SHISAL2A: variants seen among roughly 807,000 people sequenced by gnomAD.
SHISAL2A encodes protein shisa-like-2A.
A neutral mutation model predicts 11.5 loss-of-function variants in SHISAL2A; 18 were observed. The observed-to-expected ratio is 1.57, with a 90% CI of 1.08 to 2.33. SHISAL2A has a LOEUF of 2.33. SHISAL2A is among the 30% of genes most tolerant of loss of function. The pLI, the probability that SHISAL2A is intolerant of heterozygous loss-of-function variation, is 0.00. For synonymous variants in SHISAL2A, 94 were observed against 99.6 expected, an observed-to-expected ratio of 0.94 and a Z score of 0.34; for missense variants, 261 against 250.9, an observed-to-expected ratio of 1.04 and a Z score of -0.27.
At chr1:52,665,446 A>T (rs563835544) in intron 4 of SHISAL2A, among the ~76,000 whole-genome samples, 1 of 152,214 alleles carries the variant, frequency 6.6e-6, no homozygotes, top group African/African-American at 2.4e-5. Flanking sequence ...GTTGTCCCCG[A>T]TGTCTTCTAC....
downstream of SHISAL2A, among the ~76,000 whole-genome samples, chr1:52,657,931 C>G (rs1279776136): frequency 1.3e-5 from 2 of 152,196 alleles, no homozygotes; most frequent in African/African-American, 2.4e-5. Flanking sequence ...CACTGTGTGG[C>G]CTTGATAAAG....
chr1:52,656,768 C>T, intron 2 of SHISAL2A, 22 bp from the exon 3 acceptor site: 2 of 1,583,398 alleles, frequency 1.3e-6, no homozygotes, highest in Non-Finnish European at 1.7e-6. Context: ...GAGCCACACA[C>T]CCTCAGTTTG....
chr1:52,662,736 C>T (rs1347381681), intron 4 of SHISAL2A, among the ~76,000 whole-genome samples: 17 of 152,122 alleles, frequency 1.1e-4, no homozygotes, highest in Non-Finnish European at 1.5e-4. Context: ...AGCCATAGTC[C>T]GCTAACCAAC....
rs556398346 is a variant in SHISAL2A, at chr1:52,646,914, C to G, written c.322+3912C>G. Among the ~76,000 whole-genome samples, 42 of 152,302 alleles carry G rather than the reference C, an allele frequency of 2.8e-4. No individual in the cohort carries two copies. The East Asian group carries it at 7.7e-3, about 28-fold the overall frequency. Reference sequence around the variant, plus strand: ...GTGCGATCTCAGCTCACTGCCACTTCCGTCTCCCAGGTTCAAGCAATTCTC... The same window carrying G: ...GTGCGATCTCAGCTCACTGCCACTTGCGTCTCCCAGGTTCAAGCAATTCTC... On this transcript the variant is annotated intron_variant, in intron 2 of 2. Coordinates refer to ENST00000517870, the MANE Select transcript of SHISAL2A (RefSeq NM_001042693.3).
chr1:52,643,882 G>T (rs10888750), intron 2 of SHISAL2A, among the ~76,000 whole-genome samples: 2 of 142,164 alleles, frequency 1.4e-5, no homozygotes, highest in East Asian at 4.5e-4. Context: ...GAGAGAAAGA[G>T]AGAGAGAGAG....
In SHISAL2A at chr1:52,633,184, G is replaced by GCGGCTCCCGGCC. The variant is rs1691163656; in HGVS notation, c.-308_-297dup. 6.6e-6 allele frequency among the ~76,000 whole-genome samples: 1 copy of GCGGCTCCCGGCC among 152,082 alleles called. No individual in the cohort carries two copies. Among genetic ancestry groups the GCGGCTCCCGGCC allele is most frequent in the Non-Finnish European group, 1.5e-5 (1 of 67,984 alleles). Reference sequence around the variant, plus strand: ...AGCGCAGGCAGAGCCAGGCGAGCACGCGGCTCCCGGCCCAGCTCCCCGCGT... The same window carrying GCGGCTCCCGGCC: ...AGCGCAGGCAGAGCCAGGCGAGCACGCGGCTCCCGGCCCGGCTCCCGGCCCAGCTCCCCGCGT... On this transcript the variant is annotated 5_prime_UTR_variant, in exon 1 of 3. Coordinates refer to ENST00000517870, the MANE Select transcript of SHISAL2A (RefSeq NM_001042693.3). This position sits in a 1 kb window ranked among gnomAD's most constrained non-coding sequence, Gnocchi z 6.4.
intron 2 of SHISAL2A, among the ~76,000 whole-genome samples, chr1:52,644,630 A>C (rs894548904): frequency 2.3e-4 from 35 of 152,186 alleles, no homozygotes; most frequent in African/African-American, 8.4e-4. Context: ...AGGCTGAGGC[A>C]GGAGAATCGC....
chr1:52,657,317 G>T (rs1281671440), downstream of SHISAL2A, among the ~76,000 whole-genome samples: 2 of 152,198 alleles, frequency 1.3e-5, no homozygotes, highest in Non-Finnish European at 1.5e-5. Flanking sequence ...ACCCAACTGG[G>T]AAGTCAGAGA....
In SHISAL2A at chr1:52,633,536, G is replaced by A. The variant is rs1489072108; in HGVS notation, c.43G>A (p.Val15Met). The A allele has an allele frequency of 6.2e-7, 1 of 1,604,678 alleles. No individual in the cohort carries two copies. The highest frequency in any genetic ancestry group is 1.7e-5 in the Admixed American group (1 of 59,104). ...CTSYVSAEQE[V>M]VRGFSCPRPG... Reference sequence around the variant, plus strand: ...GAGCTACGTGAGCGCAGAGCAGGAGGTGGTGCGCGGCTTCAGCTGCCCGCG... The same window carrying A: ...GAGCTACGTGAGCGCAGAGCAGGAGATGGTGCGCGGCTTCAGCTGCCCGCG... The change falls in exon 1 of 3, where the codon GTG becomes ATG. Residue 15 changes from valine to methionine, a missense_variant. Physicochemically the swap from Val to Met is conservative, Grantham distance 21. Coordinates refer to ENST00000517870, the MANE Select transcript of SHISAL2A (RefSeq NM_001042693.3). This position sits in a 1 kb window ranked among gnomAD's most constrained non-coding sequence, Gnocchi z 6.4.
chr1:52,632,858 T>C (rs1479935676), upstream of SHISAL2A, among the ~76,000 whole-genome samples: 1 of 152,226 alleles, frequency 6.6e-6, no homozygotes, highest in Non-Finnish European at 1.5e-5. Flanking sequence ...GGCTTCTCTC[T>C]GGCCCTCAGC....
At chr1:52,654,439 T>C (rs1406848694) in intron 2 of SHISAL2A, among the ~76,000 whole-genome samples, 2 of 152,254 alleles carry the variant, frequency 1.3e-5, no homozygotes, top group East Asian at 3.9e-4. Context: ...TAGTGTGGTA[T>C]TGGAGGAGGG....
chr1:52,655,945 G>T (rs577725756), intron 2 of SHISAL2A, among the ~76,000 whole-genome samples: 1 of 152,288 alleles, frequency 6.6e-6, no homozygotes, highest in South Asian at 2.1e-4. Flanking sequence ...AGGATGGAGA[G>T]AAATGGGTGG....
chr1:52,653,468 G>C (rs1691718436), intron 2 of SHISAL2A, among the ~76,000 whole-genome samples: 1 of 151,480 alleles, frequency 6.6e-6, no homozygotes, highest in African/African-American at 2.4e-5. Flanking sequence ...TCAAAAAAAA[G>C]AAAACTACAA....
chr1:52,638,044 T>C (rs569217566), intron 1 of SHISAL2A, among the ~76,000 whole-genome samples: 1 of 152,306 alleles, frequency 6.6e-6, no homozygotes, highest in South Asian at 2.1e-4. Flanking sequence ...ACTCGGATCA[T>C]TTGAAGTTCA....
chr1:52,649,671 T>C (rs1435232345), intron 2 of SHISAL2A, among the ~76,000 whole-genome samples: 1 of 152,220 alleles, frequency 6.6e-6, no homozygotes, highest in Non-Finnish European at 1.5e-5. Flanking sequence ...AGCTGGGCAC[T>C]GTGCTAAGGA....
At chr1:52,662,067 G>A (rs182645737) in intron 4 of SHISAL2A, among the ~76,000 whole-genome samples, 172 of 151,738 alleles carry the variant, frequency 1.1e-3, no homozygotes, top group African/African-American at 4.0e-3. Context: ...CTGCAACCCC[G>A]CCCTTCAGGC....
At chr1:52,664,638 C>T (rs1217306501) in intron 4 of SHISAL2A, among the ~76,000 whole-genome samples, 1 of 152,118 alleles carries the variant, frequency 6.6e-6, no homozygotes, top group East Asian at 1.9e-4. Context: ...GGATTGCAGG[C>T]GTGAGCCACC....
At chr1:52,651,571 G>T (rs1381599001) in intron 2 of SHISAL2A, among the ~76,000 whole-genome samples, 3 of 151,802 alleles carry the variant, frequency 2.0e-5, no homozygotes, top group South Asian at 2.1e-4. Flanking sequence ...TTGAGATGGA[G>T]TCTCACCCTC....
At chr1:52,634,663 C>G (rs754397497) in intron 1 of SHISAL2A, among the ~76,000 whole-genome samples, 4 of 152,176 alleles carry the variant, frequency 2.6e-5, no homozygotes, top group Non-Finnish European at 5.9e-5. Context: ...TGATCCTCAG[C>G]CTACTTTGGG....
Sources: gnomAD v4.1 joint callset for allele counts (sites outside exome capture counted in the v4.1 genomes callset) on GRCh38, gnomAD v4.1.1 for gene constraint, Gnocchi (gnomAD v3.1) non-coding constraint, MANE v1.5 for transcripts, NCBI Gene and HGNC (gene_info 2026-07-23, HGNC 2026-07-21) for gene names.